CEPT1: variants seen among roughly 807,000 people sequenced by gnomAD.
CEPT1 encodes choline/ethanolaminephosphotransferase 1.
Under a neutral mutation model 42.6 loss-of-function variants are expected in CEPT1, and 7 were observed. The ratio of observed to expected loss-of-function variants is 0.16; its 90% CI spans 0.09 to 0.31. CEPT1 has a LOEUF of 0.31. Among genes scored for constraint, CEPT1 ranks in the 10% least tolerant of loss-of-function variants. The probability of loss-of-function intolerance (pLI) is 1.00; values close to 1 mark genes in which losing one functional copy is unlikely to be tolerated. For synonymous variants in CEPT1, 171 were observed against 171.9 expected, an observed-to-expected ratio of 0.99 and a Z score of 0.04; for missense variants, 306 against 502.1, an observed-to-expected ratio of 0.61 and a Z score of 3.73.
chr1:111,167,975 C>A, intron 4 of CEPT1: 1 of 200,926 alleles, frequency 5.0e-6, no homozygotes, highest in Non-Finnish European at 8.8e-6. Context: ...TCACTGCAGC[C>A]TTGAAACTCC....
At chr1:111,179,915 A>G (rs1173484705) in intron 5 of CEPT1, 1 of 152,250 alleles carries the variant, frequency 6.6e-6, no homozygotes, top group Non-Finnish European at 1.5e-5. Context: ...GTATATAGCT[A>G]ACATATATGA....
chr1:111,158,179 T>TA (rs768126593), intron 2 of CEPT1, among the ~76,000 whole-genome samples: 65 of 151,646 alleles, frequency 4.3e-4, no homozygotes, highest in Non-Finnish European at 6.8e-4. Context: ...TTGTCTCTAC[T>TA]AAAAAAAATA....
chr1:111,139,774 G>A (rs1477664558), upstream of CEPT1: 3 of 152,584 alleles, frequency 2.0e-5, no homozygotes, highest in South Asian at 6.2e-4. Context: ...AGGGCACGGG[G>A]AGCTGAGCCC....
intron 3 of CEPT1, 37 bp from the exon 4 acceptor site, chr1:111,161,118 A>G: frequency 3.1e-6 from 5 of 1,611,738 alleles, no homozygotes; most frequent in East Asian, 2.2e-5. Context: ...TTTGCTATTC[A>G]TATTATTTGG....
intron 5 of CEPT1, 29 bp downstream of exon 5, chr1:111,174,992 GT>G (rs1329633479): frequency 7.8e-7 from 1 of 1,277,526 alleles, no homozygotes; most frequent in Non-Finnish European, 1.1e-6. Context: ...TGTATCCCAT[GT>G]AATGCATGTT....
intron 2 of CEPT1, 107 bp downstream of exon 2, chr1:111,148,160 C>G (rs965453798): frequency 3.1e-5 from 26 of 828,776 alleles, no homozygotes; most frequent in Non-Finnish European, 4.6e-5. Context: ...CAGCTGTCAA[C>G]TATTTTAAAA....
chr1:111,182,730 T>C (rs2101412211), intron 6 of CEPT1, 69 bp from the exon 7 acceptor site: 1 of 1,404,838 alleles, frequency 7.1e-7, no homozygotes, highest in East Asian at 2.4e-5. Flanking sequence ...TGTGAACTGT[T>C]CTGCAGCAGA....
At chr1:111,155,560 A>G (rs1244733276) in intron 2 of CEPT1, among the ~76,000 whole-genome samples, 2 of 150,458 alleles carry the variant, frequency 1.3e-5, no homozygotes, top group Non-Finnish European at 3.0e-5. Flanking sequence ...TTTTTTTGAG[A>G]TGGAGTTTTG....
rs1450870414 is a variant in CEPT1 at position 111,184,564 on chromosome 1, G to A, written c.*254G>A. The A allele has an allele frequency of 1.3e-5, 4 of 307,504 alleles. No individual in the cohort carries two copies. The highest frequency in any genetic ancestry group is 6.5e-5 in the African/African-American group (3 of 45,844). The allele number at this position is 307,504 out of a possible 1,614,324, so 19.0% of individuals were successfully genotyped here. ...ATGCAGAAAAAAATGCCATGTGATT[G>A]TAATTATCCTGGATTCAGAATAATA... On this transcript the variant is annotated 3_prime_UTR_variant, in exon 9 of 9. Coordinates refer to ENST00000357172, the MANE Select transcript of CEPT1 (RefSeq NM_006090.5).
intron 5 of CEPT1, chr1:111,178,622 T>C (rs1055120955): frequency 1.3e-5 from 2 of 151,804 alleles, no homozygotes; most frequent in East Asian, 3.9e-4. Context: ...TATCACTCTT[T>C]AAAAAAAACA....
chr1:111,151,091 C>G (rs1445033692), intron 2 of CEPT1, among the ~76,000 whole-genome samples: 1 of 151,828 alleles, frequency 6.6e-6, no homozygotes, highest in Non-Finnish European at 1.5e-5. Context: ...GAACACGTGC[C>G]CAAGGTAGTC....
intron 4 of CEPT1, among the ~76,000 whole-genome samples, chr1:111,165,044 C>CTTTT (rs11323094): frequency 1.1e-3 from 92 of 83,978 alleles, no homozygotes; most frequent in South Asian, 1.5e-3. Flanking sequence ...AAACATCGGT[C>CTTTT]TTTTTTTTTT....
In CEPT1 at chr1:111,184,279, A is replaced by G. The variant is rs1426226894; in HGVS notation, c.1220A>G (p.Lys407Arg). Residue 407 changes from lysine to arginine, a missense_variant, in exon 9 of 9, where the codon AAG becomes AGG. Lys to Arg is a conservative substitution (Grantham distance 26). Around this residue, in one of 2 missense-constraint regions of CEPT1, gnomAD observed 253 missense variants for 447.3 expected, o/e 0.57. Transcript: ENST00000357172. Reference sequence around the variant, plus strand: ...CTGCACATACATGTCTTCAGAATCAAGGTCTCTACAGCTCATTCTAATCAT... The same window carrying G: ...CTGCACATACATGTCTTCAGAATCAGGGTCTCTACAGCTCATTCTAATCAT... ...SHLHIHVFRI[K>R]VSTAHSNHH The G allele has an allele frequency of 6.2e-7, 1 of 1,612,946 alleles. No homozygotes were observed. Among genetic ancestry groups the G allele is most frequent in the Non-Finnish European group, 8.5e-7 (1 of 1,178,960 alleles).
chr1:111,164,956 C>T (rs1226829952), intron 4 of CEPT1, among the ~76,000 whole-genome samples: 1 of 148,824 alleles, frequency 6.7e-6, no homozygotes, highest in Non-Finnish European at 1.5e-5. Flanking sequence ...AACTTGTAGA[C>T]ATATATATAT....
chr1:111,159,712 T>TA, intron 3 of CEPT1, 185 bp downstream of exon 3: 1 of 451,362 alleles, frequency 2.2e-6, no homozygotes, highest in South Asian at 3.8e-5. Flanking sequence ...ATTTAGAAAT[T>TA]ACTTTCTGCT....
At chr1:111,175,498 C>G (rs146559837) in intron 5 of CEPT1, among the ~76,000 whole-genome samples, 43 of 152,272 alleles carry the variant, frequency 2.8e-4, no homozygotes, top group African/African-American at 9.9e-4. Context: ...CCACAAACCT[C>G]TGAGGTAGGG....
chr1:111,151,268 C>T (rs1655261034), intron 2 of CEPT1, among the ~76,000 whole-genome samples: 1 of 152,042 alleles, frequency 6.6e-6, no homozygotes, highest in South Asian at 2.1e-4. Context: ...GGACTACAGG[C>T]GCACGCCGCC....
At position 111,165,209 on chromosome 1, in the gene CEPT1, C is replaced by T. The variant is rs549502646; in HGVS notation, c.629+3913C>T. On this transcript the variant is annotated intron_variant, in intron 4 of 8. Transcript: ENST00000357172. ...GACTACAGGCACCCGCCACCATGCC[C>T]GGCTAATTTTTTGTATTTTTAGTAG... Among the ~76,000 whole-genome samples the T allele has an allele frequency of 1.5e-3, 233 of 151,510 alleles. 1 individual carries two copies. The highest frequency in any genetic ancestry group is 5.0e-3 in the African/African-American group (206 of 41,332).
At chr1:111,150,757 C>G (rs1461991934) in intron 2 of CEPT1, among the ~76,000 whole-genome samples, 1 of 152,128 alleles carries the variant, frequency 6.6e-6, no homozygotes, top group African/African-American at 2.4e-5. Context: ...AGCAATCCTC[C>G]TAGTAGATAA....
Sources: gnomAD v4.1 joint callset for allele counts (sites outside exome capture counted in the v4.1 genomes callset) on GRCh38, gnomAD v4.1.1 for gene constraint, gnomAD v4.1.1 regional missense constraint, MANE v1.5 for transcripts, NCBI Gene and HGNC (gene_info 2026-07-23, HGNC 2026-07-21) for gene names.